Variants in CSMD2 observed in about 807,000 individuals in gnomAD.
CSMD2 encodes the protein CUB and Sushi multiple domains 2.
A neutral mutation model predicts 398.5 loss-of-function variants in CSMD2; 130 were observed. That is an observed-to-expected ratio of 0.33 (90% confidence interval 0.28 to 0.38). CSMD2 has a LOEUF of 0.38. Ranked by LOEUF, CSMD2 falls within the 10% of genes least tolerant of loss-of-function variation. CSMD2 has a pLI of 1.00. For missense variants in CSMD2, 3,829 were observed against 4,764.9 expected (o/e 0.80, Z 5.78); for synonymous variants, 1,828 against 1,908.5 (o/e 0.96, Z 1.10).
intron 5 of CSMD2, among the ~76,000 whole-genome samples, chr1:33,875,270 G>A (rs1045150975): frequency 8.5e-5 from 13 of 152,312 alleles, no homozygotes; most frequent in Middle Eastern, 3.4e-3. Flanking sequence ...CATAAGGGGC[G>A]GGGGAACTGC....
chr1:33,728,353 A>T (rs1436198767), intron 15 of CSMD2, among the ~76,000 whole-genome samples: 1 of 152,048 alleles, frequency 6.6e-6, no homozygotes, highest in Non-Finnish European at 1.5e-5. Flanking sequence ...TAATGCTATA[A>T]CCTTCAAGAA....
chr1:34,084,939 A>C (rs1315287616), intron 2 of CSMD2, among the ~76,000 whole-genome samples: 1 of 152,234 alleles, frequency 6.6e-6, no homozygotes. Flanking sequence ...ACATATGTTT[A>C]TTGCAGCACT....
At chr1:33,911,186 G>T (rs1319724199) in intron 5 of CSMD2, among the ~76,000 whole-genome samples, 1 of 152,122 alleles carries the variant, frequency 6.6e-6, no homozygotes, top group South Asian at 2.1e-4. Flanking sequence ...GTTCATAGAA[G>T]AGTCTCAATA....
At chr1:33,876,724 G>T (rs559198705) in intron 5 of CSMD2, among the ~76,000 whole-genome samples, 1 of 152,212 alleles carries the variant, frequency 6.6e-6, no homozygotes, top group South Asian at 2.1e-4. Context: ...TAGCTGTGGG[G>T]TCATTGCTCC....
At chr1:33,992,953 G>A (rs985860992) in intron 3 of CSMD2, among the ~76,000 whole-genome samples, 8 of 151,084 alleles carry the variant, frequency 5.3e-5, no homozygotes, top group Non-Finnish European at 1.2e-4. Flanking sequence ...AATATGAATA[G>A]AGAAAGAGCT....
At position 34,142,831 on chromosome 1, in the gene CSMD2, GCA is replaced by G. The variant is rs528869619; in HGVS notation, c.187+22078_187+22079del. On this transcript the variant is annotated intron_variant, in intron 1 of 70. Coordinates refer to ENST00000373381, the MANE Select transcript of CSMD2 (RefSeq NM_001281956.2). Reference sequence around the variant, plus strand: ...TTAGATGGTGTATACAAAATGCTTGGCACAGAGGCTCATGGTAGGGACTCCAT... The same window carrying G: ...TTAGATGGTGTATACAAAATGCTTGGCAGAGGCTCATGGTAGGGACTCCAT... 5.9e-5 allele frequency among the ~76,000 whole-genome samples: 9 copies of G among 152,250 alleles called. No individual in the cohort carries two copies. In the South Asian group the frequency reaches 1.9e-3, roughly 32 times the overall value.
At chr1:34,091,063 G>C (rs1658501314) in intron 1 of CSMD2, among the ~76,000 whole-genome samples, 1 of 152,090 alleles carries the variant, frequency 6.6e-6, no homozygotes, top group Non-Finnish European at 1.5e-5. Flanking sequence ...TCCTTGGTCA[G>C]GTCAAGCCCA....
At position 33,937,999 on chromosome 1, in the gene CSMD2, T is replaced by C. The variant is rs553540738; in HGVS notation, c.518-2045A>G. Among the ~76,000 whole-genome samples the C allele has an allele frequency of 3.3e-5, 5 of 152,366 alleles. No homozygotes were observed. The South Asian group carries it at 1.0e-3, about 32-fold the overall frequency. ...GGGACATATGTGCATGTTCATTAAT[T>C]AGTTATTTGGAGAGTTACTCATTCA... On this transcript the variant is annotated intron_variant, in intron 3 of 70. Coordinates refer to ENST00000373381, the MANE Select transcript of CSMD2 (RefSeq NM_001281956.2).
Position 33,572,533 on chromosome 1 carries a change from T to C in CSMD2, c.7735A>G (p.Asn2579Asp). The stretch of plus-strand genomic sequence containing the variant: ...ACACACTGTGGTGGGACATTGCGGT[T>C]GCTCCATAGGCCTGTGTCCAGACAC... ...AECLDTGLWS[N>D]RNVPPQCVPV... The change falls in exon 50 of 71, where the codon AAC becomes GAC. Residue 2579 changes from asparagine to aspartate, a missense_variant. Around this residue, in one of 5 missense-constraint regions of CSMD2, gnomAD observed 723 missense variants for 758.6 expected, o/e 0.95. Coordinates refer to ENST00000373381, the MANE Select transcript of CSMD2 (RefSeq NM_001281956.2). 6.2e-7 allele frequency: 1 copy of C among 1,610,286 alleles called. No individual in the cohort carries two copies. The highest frequency in any genetic ancestry group is 8.5e-7 in the Non-Finnish European group (1 of 1,177,580).
rs375579937 is a variant in CSMD2, at chr1:34,093,275, G to A, written c.188-4082C>T. 2.6e-5 allele frequency among the ~76,000 whole-genome samples: 4 copies of A among 152,284 alleles called. No individual in the cohort carries two copies. In the East Asian group the frequency reaches 7.7e-4, roughly 29 times the overall value. On this transcript the variant is annotated intron_variant, in intron 1 of 70. Coordinates refer to ENST00000373381, the MANE Select transcript of CSMD2 (RefSeq NM_001281956.2). ...CCATCTGTACATCGCCATCATCAAAGACCAAAAGTAGATAAAACCACAAAG... is the reference window on the plus strand; with the variant it reads ...CCATCTGTACATCGCCATCATCAAAAACCAAAAGTAGATAAAACCACAAAG...
intron 1 of CSMD2, among the ~76,000 whole-genome samples, chr1:34,155,524 G>C (rs371377177): frequency 6.6e-6 from 1 of 152,312 alleles, no homozygotes; most frequent in African/African-American, 2.4e-5. Flanking sequence ...GCTGTGACCA[G>C]GATGTCTGAT....
At chr1:33,614,824 A>C (rs1350297632) in intron 39 of CSMD2, among the ~76,000 whole-genome samples, 2 of 152,212 alleles carry the variant, frequency 1.3e-5, no homozygotes, top group Non-Finnish European at 2.9e-5. Context: ...GGTACATTCT[A>C]GGACAGCCTA....
intron 3 of CSMD2, among the ~76,000 whole-genome samples, chr1:33,998,367 A>C (rs527863253): frequency 6.6e-6 from 1 of 152,240 alleles, no homozygotes; most frequent in Non-Finnish European, 1.5e-5. Context: ...TTTTTAAATA[A>C]ATTTCCCAGT....
chr1:33,537,808 C>G lies in CSMD2; in HGVS notation c.9632-199G>C, dbSNP rs1655949920. Among the ~76,000 whole-genome samples the G allele has an allele frequency of 1.3e-5, 2 of 152,228 alleles. No individual in the cohort carries two copies. The highest frequency in any genetic ancestry group is 4.1e-4 in the South Asian group (2 of 4,830). ...GGGGGCTTCCTCTCCCTTCTACATT[C>G]AAAGTGCCTATTAATAATGATCCAA... On this transcript the variant is annotated intron_variant, in intron 60 of 70. Transcript: ENST00000373381. The surrounding 1 kb of genome is among the most constrained non-coding windows in gnomAD (Gnocchi z 4.6).
chr1:34,113,822 T>G (rs1367017095), intron 1 of CSMD2, among the ~76,000 whole-genome samples: 6 of 152,198 alleles, frequency 3.9e-5, no homozygotes, highest in African/African-American at 1.4e-4. Context: ...AAAAATTGTT[T>G]CATGTCAACC....
intron 3 of CSMD2, among the ~76,000 whole-genome samples, chr1:33,978,700 TG>T (rs1439931615): frequency 2.0e-5 from 3 of 152,166 alleles, no homozygotes; most frequent in Non-Finnish European, 4.4e-5. Context: ...TCAGAGTGGC[TG>T]GGATGATGCA....
In CSMD2 at chr1:33,880,270, TTC is replaced by T. The variant is rs201877469; in HGVS notation, c.921-33276_921-33275del. 5.9e-5 allele frequency among the ~76,000 whole-genome samples: 9 copies of T among 151,450 alleles called. No homozygotes were observed. In the East Asian group the frequency reaches 7.7e-4, roughly 13 times the overall value. The stretch of plus-strand genomic sequence containing the variant: ...GAGCTCAGCTCTGCCAACTTACTGC[TTC>T]TCTCTCTCTCTCTTTTTGAGGGAGG... On this transcript the variant is annotated intron_variant, in intron 5 of 70. Coordinates refer to ENST00000373381, the MANE Select transcript of CSMD2 (RefSeq NM_001281956.2).
intron 1 of CSMD2, among the ~76,000 whole-genome samples, chr1:34,145,519 T>G (rs1304119221): frequency 9.2e-5 from 14 of 152,134 alleles, no homozygotes; most frequent in Admixed American, 9.2e-4. Flanking sequence ...GTAGGGTAGG[T>G]GGGATCTGGG....
chr1:33,781,004 C>T (rs1249245633), intron 12 of CSMD2, among the ~76,000 whole-genome samples: 1 of 152,192 alleles, frequency 6.6e-6, no homozygotes, highest in African/African-American at 2.4e-5. Context: ...GTGAGTGATG[C>T]TGGTCGGCTG....
Sources: allele counts gnomAD v4.1 joint callset (sites outside exome capture counted in the v4.1 genomes callset), GRCh38; gene constraint gnomAD v4.1.1; regional missense constraint gnomAD v4.1.1; non-coding constraint Gnocchi (gnomAD v3.1); transcripts MANE v1.5; gene names NCBI Gene and HGNC (gene_info 2026-07-23, HGNC 2026-07-21).